The following NLK variants were observed in gnomAD, a reference collection of about 807,000 sequenced individuals.
NLK encodes the protein serine/threonine-protein kinase NLK.
A neutral mutation model predicts 59.0 loss-of-function variants in NLK; 11 were observed. The observed-to-expected ratio is 0.19, with a 90% CI of 0.12 to 0.31. The LOEUF (loss-of-function observed/expected upper bound fraction) is 0.31, where lower values mean the gene tolerates loss of function less well. Among genes scored for constraint, NLK ranks in the 10% least tolerant of loss-of-function variants. The pLI, the probability that NLK is intolerant of heterozygous loss-of-function variation, is 1.00. For missense variants in NLK, 410 were observed against 661.1 expected (o/e 0.62, Z 4.16); for synonymous variants, 235 against 235.9 (o/e 1.00, Z 0.03).
rs926686580 is a variant in NLK at position 28,196,032 on chromosome 17, A to G, written c.*1396A>G. 1.3e-5 allele frequency: 2 copies of G among 152,668 alleles called. No homozygotes were observed. The highest frequency in any genetic ancestry group is 4.8e-5 in the African/African-American group (2 of 41,472). 9.5% of individuals were successfully genotyped at this position (152,668 alleles called of 1,614,324 possible). The stretch of plus-strand genomic sequence containing the variant: ...ATCTGTATTTAGCAGAGTATTTTCA[A>G]CTTGAGTGATCTGAGCTGAATTTGA... On this transcript the variant is annotated 3_prime_UTR_variant, in exon 11 of 11. Transcript: ENST00000407008.
At chr17:28,171,676 G>T (rs1908468272) in intron 6 of NLK, among the ~76,000 whole-genome samples, 1 of 152,168 alleles carries the variant, frequency 6.6e-6, no homozygotes, top group Non-Finnish European at 1.5e-5. Flanking sequence ...TAAATCACAG[G>T]TGTCTGATTT....
Position 28,190,923 on chromosome 17 carries a change from T to C in NLK, c.1237-98T>C, listed in dbSNP as rs751158918. The C allele has an allele frequency of 1.8e-3, 1,434 of 790,384 alleles. 1 individual carries two copies. Among genetic ancestry groups the C allele is most frequent in the Non-Finnish European group, 2.6e-3 (1,299 of 491,390 alleles). 49.0% of individuals were successfully genotyped at this position (790,384 alleles called of 1,614,324 possible). On this transcript the variant is annotated intron_variant, in intron 8 of 10. Transcript: ENST00000407008. The stretch of plus-strand genomic sequence containing the variant: ...GACGGGATGTACTATAAATTATATA[T>C]ATGCTATGTCAAGCAGTTAATGTGT...
At chr17:28,080,281 A>G (rs1910302631) in intron 1 of NLK, among the ~76,000 whole-genome samples, 1 of 151,858 alleles carries the variant, frequency 6.6e-6, no homozygotes, top group Non-Finnish European at 1.5e-5. Flanking sequence ...GTGAGACCCT[A>G]TCTCTACAAA....
intron 10 of NLK, among the ~76,000 whole-genome samples, chr17:28,193,690 C>G (rs1909390695): frequency 1.3e-5 from 2 of 152,282 alleles, no homozygotes; most frequent in African/African-American, 2.4e-5. Flanking sequence ...TCCTGCTGCC[C>G]TTTCCCTTTA....
At chr17:28,183,346 G>A (rs1482462117) in intron 7 of NLK, among the ~76,000 whole-genome samples, 2 of 151,668 alleles carry the variant, frequency 1.3e-5, no homozygotes, top group Admixed American at 6.6e-5. Flanking sequence ...ACTTTTTTTT[G>A]TTTTTAGAAT....
intron 2 of NLK, among the ~76,000 whole-genome samples, chr17:28,123,359 G>T (rs1251575910): frequency 2.0e-5 from 3 of 152,098 alleles, no homozygotes; most frequent in African/African-American, 7.2e-5. Context: ...CACAACCAAG[G>T]TTTTTATTGA....
intron 1 of NLK, among the ~76,000 whole-genome samples, chr17:28,065,874 C>A (rs1343422147): frequency 1.3e-5 from 2 of 152,178 alleles, no homozygotes; most frequent in Non-Finnish European, 2.9e-5. Flanking sequence ...GCTCATTTCT[C>A]CACTGCTCAC....
chr17:28,172,896 AT>A (rs1224796144), intron 7 of NLK, among the ~76,000 whole-genome samples: 2 of 152,118 alleles, frequency 1.3e-5, no homozygotes, highest in African/African-American at 4.8e-5. Flanking sequence ...TATGGGAAAA[AT>A]TACTGGAGAT....
intron 1 of NLK, among the ~76,000 whole-genome samples, chr17:28,082,200 G>A (rs1018478258): frequency 6.6e-6 from 1 of 152,278 alleles, no homozygotes; most frequent in Non-Finnish European, 1.5e-5. Flanking sequence ...ACTGCGCCCG[G>A]CCTGAAATTC....
chr17:28,070,225 G>C (rs1909961530), intron 1 of NLK, among the ~76,000 whole-genome samples: 1 of 151,670 alleles, frequency 6.6e-6, no homozygotes, highest in African/African-American at 2.4e-5. Context: ...AACAGAGCAA[G>C]ACTGTGTCTC....
chr17:28,171,648 A>C (rs1908467380), intron 6 of NLK, among the ~76,000 whole-genome samples: 1 of 152,194 alleles, frequency 6.6e-6, no homozygotes, highest in Non-Finnish European at 1.5e-5. Flanking sequence ...TTCAGGTGTG[A>C]ATATTTTCAG....
At chr17:28,117,436 A>G (rs1751782502) in intron 1 of NLK, among the ~76,000 whole-genome samples, 1 of 152,130 alleles carries the variant, frequency 6.6e-6, no homozygotes, top group South Asian at 2.1e-4. Context: ...TTCCTCCATT[A>G]TCAGTACTTT....
chr17:28,098,379 A>G (rs1043216907), intron 1 of NLK, among the ~76,000 whole-genome samples: 1 of 152,114 alleles, frequency 6.6e-6, no homozygotes, highest in East Asian at 1.9e-4. Flanking sequence ...ATTATGAATT[A>G]TTTTTCTTCT....
In NLK at chr17:28,172,442, T is replaced by C. The variant is rs1235646092; in HGVS notation, c.1048-75T>C. On this transcript the variant is annotated intron_variant, in intron 6 of 10. Transcript: ENST00000407008. Reference sequence around the variant, plus strand: ...TTCCCCCAGATTTGGTCCACTTCTCTAAGGCTATGATTTAAGAGTAATGAA... The same window carrying C: ...TTCCCCCAGATTTGGTCCACTTCTCCAAGGCTATGATTTAAGAGTAATGAA... 4.0e-6 allele frequency: 4 copies of C among 1,009,146 alleles called. No homozygotes were observed. The East Asian group carries it at 9.7e-5, about 24-fold the overall frequency. The allele number at this position is 1,009,146 out of a possible 1,614,324, so 62.5% of individuals were successfully genotyped here. A position where few individuals can be genotyped will look rare whatever the true frequency, so the allele number is the denominator to read the frequency against.
intron 1 of NLK, among the ~76,000 whole-genome samples, chr17:28,070,354 A>ATT (rs749066253): frequency 7.5e-4 from 101 of 134,822 alleles, no homozygotes; most frequent in Non-Finnish European, 1.1e-3. Flanking sequence ...TCTGAAATTA[A>ATT]TTTTTTTTTT....
intron 7 of NLK, among the ~76,000 whole-genome samples, chr17:28,175,534 T>C (rs748107367): frequency 6.6e-6 from 1 of 152,076 alleles, no homozygotes; most frequent in Non-Finnish European, 1.5e-5. Context: ...AGTTGTACAA[T>C]ACGGTTTTCA....
chr17:28,111,813 A>G (rs148753329), intron 1 of NLK, among the ~76,000 whole-genome samples: 177 of 141,092 alleles, frequency 1.3e-3, no homozygotes, highest in African/African-American at 4.6e-3. Context: ...GTGGTTGGCT[A>G]TTGGTTAAAG....
chr17:28,191,738 A>C (rs938795115), intron 9 of NLK, among the ~76,000 whole-genome samples: 1 of 152,332 alleles, frequency 6.6e-6, no homozygotes, highest in Non-Finnish European at 1.5e-5. Context: ...TCCCCAAAGT[A>C]ACCACCTGAA....
intron 7 of NLK, among the ~76,000 whole-genome samples, chr17:28,177,270 G>A (rs559982214): frequency 7.2e-5 from 11 of 152,260 alleles, no homozygotes; most frequent in African/African-American, 2.4e-4. Flanking sequence ...TGTTGTTCAA[G>A]GGTCAACTGT....
Sources: gnomAD v4.1 joint callset for allele counts (sites outside exome capture counted in the v4.1 genomes callset) on GRCh38, gnomAD v4.1.1 for gene constraint, MANE v1.5 for transcripts, NCBI Gene and HGNC (gene_info 2026-07-23, HGNC 2026-07-21) for gene names.